RSRC1: variants seen among roughly 807,000 people sequenced by gnomAD.
RSRC1 encodes the protein serine/Arginine-related protein 53.
Under a neutral mutation model 49.1 loss-of-function variants are expected in RSRC1, and 39 were observed. That is an observed-to-expected ratio of 0.79 (90% CI 0.61 to 1.04). RSRC1 has a LOEUF of 1.04. Ranked by LOEUF, RSRC1 falls within the 50% of genes least tolerant of loss-of-function variation. The pLI is 0.00. For missense variants in RSRC1, 388 were observed against 402.4 expected, an observed-to-expected ratio of 0.96 and a Z score of 0.31; for synonymous variants, 143 against 130.8, an observed-to-expected ratio of 1.09 and a Z score of -0.63.
chr3:158,518,414 T>C (rs565063151), intron 7 of RSRC1, among the ~76,000 whole-genome samples: 4 of 150,798 alleles, frequency 2.7e-5, no homozygotes, highest in African/African-American at 9.7e-5. Context: ...CTTTATGGGT[T>C]AAAGGACTAC....
chr3:158,456,378 G>A (rs1737318306), intron 6 of RSRC1, among the ~76,000 whole-genome samples: 1 of 150,420 alleles, frequency 6.6e-6, no homozygotes, highest in African/African-American at 2.5e-5. Flanking sequence ...CATTCCATTA[G>A]CCCAAACTCA....
At chr3:158,513,592 C>G (rs1740313052) in intron 7 of RSRC1, among the ~76,000 whole-genome samples, 1 of 152,068 alleles carries the variant, frequency 6.6e-6, no homozygotes. Flanking sequence ...TTGGTTGTGT[C>G]TCTGCCCAGC....
chr3:158,371,049 C>G (rs1231633633), intron 6 of RSRC1, among the ~76,000 whole-genome samples: 1 of 151,808 alleles, frequency 6.6e-6, no homozygotes, highest in Non-Finnish European at 1.5e-5. Flanking sequence ...TGTTCAGCAT[C>G]TTTTCATGCA....
intron 7 of RSRC1, among the ~76,000 whole-genome samples, chr3:158,495,177 A>C (rs1201804652): frequency 6.6e-6 from 1 of 152,196 alleles, no homozygotes; most frequent in East Asian, 1.9e-4. Context: ...TGTATTTTAT[A>C]TGCAGCCTGT....
chr3:158,477,614 A>C (rs1738423035), intron 7 of RSRC1, among the ~76,000 whole-genome samples: 1 of 151,858 alleles, frequency 6.6e-6, no homozygotes, highest in South Asian at 2.1e-4. Flanking sequence ...GTGTAGTGTA[A>C]ACATAACTTT....
At chr3:158,329,458 C>G (rs944738573) in intron 5 of RSRC1, among the ~76,000 whole-genome samples, 1 of 152,214 alleles carries the variant, frequency 6.6e-6, no homozygotes, top group African/African-American at 2.4e-5. Context: ...TTCTAACAGT[C>G]AGGACCCTCA....
chr3:158,146,325 G>T (rs1482924498), intron 3 of RSRC1, among the ~76,000 whole-genome samples: 6 of 152,170 alleles, frequency 3.9e-5, no homozygotes, highest in African/African-American at 1.2e-4. Context: ...TTTATTGAGA[G>T]TTTTTAGCAT....
intron 7 of RSRC1, among the ~76,000 whole-genome samples, chr3:158,509,998 A>G (rs2108471655): frequency 6.6e-6 from 1 of 152,328 alleles, no homozygotes; most frequent in Non-Finnish European, 1.5e-5. Flanking sequence ...GTTCAACCAC[A>G]TAGTGCCACA....
At chr3:158,353,068 C>T (rs1730962350) in intron 5 of RSRC1, among the ~76,000 whole-genome samples, 1 of 152,144 alleles carries the variant, frequency 6.6e-6, no homozygotes, top group Non-Finnish European at 1.5e-5. Context: ...GTTGTCATCT[C>T]CTCCTTCTCT....
chr3:158,413,786 TA>T (rs1389482592), intron 6 of RSRC1, among the ~76,000 whole-genome samples: 1 of 152,184 alleles, frequency 6.6e-6, no homozygotes, highest in Non-Finnish European at 1.5e-5. Context: ...CACAATGAGA[TA>T]CCATCTCATG....
chr3:158,395,815 A>G (rs1259001329), intron 6 of RSRC1, among the ~76,000 whole-genome samples: 1 of 152,014 alleles, frequency 6.6e-6, no homozygotes, highest in Non-Finnish European at 1.5e-5. Flanking sequence ...ACCTTATAAG[A>G]TCAAATAAGC....
intron 4 of RSRC1, among the ~76,000 whole-genome samples, chr3:158,265,653 A>G (rs1397195579): frequency 6.6e-6 from 1 of 151,986 alleles, no homozygotes; most frequent in African/African-American, 2.4e-5. Flanking sequence ...ATTTTACTCC[A>G]ATCTTAAATA....
chr3:158,171,735 A>G (rs1169405073), intron 3 of RSRC1, among the ~76,000 whole-genome samples: 1 of 152,086 alleles, frequency 6.6e-6, no homozygotes, highest in Non-Finnish European at 1.5e-5. Flanking sequence ...GGATTGCTTG[A>G]GGCCAGCAGT....
At chr3:158,365,916 TTTTGTATG>T (rs1731738924) in intron 6 of RSRC1, among the ~76,000 whole-genome samples, 1 of 152,206 alleles carries the variant, frequency 6.6e-6, no homozygotes, top group South Asian at 2.1e-4. Flanking sequence ...ATGAGCTTTT[TTTTGTATG>T]TTTGTTGGCC....
At chr3:158,202,082 T>C (rs1721077590) in intron 3 of RSRC1, among the ~76,000 whole-genome samples, 2 of 152,298 alleles carry the variant, frequency 1.3e-5, no homozygotes, top group South Asian at 4.1e-4. Context: ...TGGTGCAATC[T>C]GGGCTCACTG....
At chr3:158,121,290 T>C (rs1360255458) in intron 1 of RSRC1, among the ~76,000 whole-genome samples, 4 of 152,098 alleles carry the variant, frequency 2.6e-5, no homozygotes, top group Non-Finnish European at 4.4e-5. Flanking sequence ...ACATATTTCT[T>C]AATGTGGATA....
intron 6 of RSRC1, among the ~76,000 whole-genome samples, chr3:158,398,169 A>G (rs1185741519): frequency 1.3e-5 from 2 of 152,112 alleles, no homozygotes; most frequent in East Asian, 1.9e-4. Context: ...TGTGGGATAC[A>G]TTAAAACTCA....
chr3:158,481,301 C>T (rs1300069418), intron 7 of RSRC1, among the ~76,000 whole-genome samples: 1 of 152,126 alleles, frequency 6.6e-6, no homozygotes, highest in East Asian at 1.9e-4. Context: ...CTGCTCTGTG[C>T]ATCCAGGTTA....
In RSRC1 at chr3:158,544,385, T is replaced by C; in HGVS notation, c.*110T>C. ...TAAAAAGAATTTTGCTGATTATATA[T>C]AAAGGTAGTCTCATTTCATTTGTCT... On this transcript the variant is annotated 3_prime_UTR_variant, in exon 10 of 10. Transcript: ENST00000611884. The C allele has an allele frequency of 1.7e-6, 1 of 594,612 alleles. No individual in the cohort carries two copies. The highest frequency in any genetic ancestry group is 2.5e-5 in the South Asian group (1 of 39,242). The allele number at this position is 594,612 out of a possible 1,614,324, so 36.8% of individuals were successfully genotyped here.
Sources: allele counts gnomAD v4.1 joint callset (sites outside exome capture counted in the v4.1 genomes callset), GRCh38; gene constraint gnomAD v4.1.1; transcripts MANE v1.5; gene names NCBI Gene and HGNC (gene_info 2026-07-23, HGNC 2026-07-21).